KLRF1: variants seen among roughly 807,000 people sequenced by gnomAD.
KLRF1 encodes killer cell lectin-like receptor subfamily F member 1.
In KLRF1, 27 loss-of-function variants were observed where a neutral mutation model predicts 30.7. The observed-to-expected ratio is 0.88, with a 90% confidence interval of 0.65 to 1.21. The LOEUF (loss-of-function observed/expected upper bound fraction) is 1.21. Ranked by LOEUF, KLRF1 falls within the 50% of genes most tolerant of loss-of-function variation. The pLI is 0.00. For missense variants in KLRF1, 246 were observed against 259.3 expected (o/e 0.95, Z 0.35); for synonymous variants, 92 against 89.3 (o/e 1.03, Z -0.17).
At chr12:9,813,193 C>T in the KLRF1 span, among the ~76,000 whole-genome samples, 3 of 151,730 alleles carry the variant, frequency 2.0e-5, no homozygotes, top group Non-Finnish European at 4.4e-5. Flanking sequence ...GGTACATGTG[C>T]ACAATGTGCA....
At chr12:9,835,830 G>A (rs543478994) in intron 3 of KLRF1, among the ~76,000 whole-genome samples, 111 of 152,164 alleles carry the variant, frequency 7.3e-4, no homozygotes, top group Admixed American at 6.2e-3. Flanking sequence ...TATGGGGGGA[G>A]TAGAGTTGAT....
the KLRF1 span, chr12:9,817,422 T>C: frequency 2.3e-6 from 1 of 427,498 alleles, no homozygotes; most frequent in Non-Finnish European, 4.5e-6. Flanking sequence ...GGTAGCTTTT[T>C]ATCACAGACG....
At chr12:9,819,191 G>A in the KLRF1 span, among the ~76,000 whole-genome samples, 1 of 152,098 alleles carries the variant, frequency 6.6e-6, no homozygotes, top group African/African-American at 2.4e-5. Context: ...TCAGGCACAC[G>A]CAGAGCCCTG....
At chr12:9,805,686 T>G in the KLRF1 span, among the ~76,000 whole-genome samples, 3 of 152,058 alleles carry the variant, frequency 2.0e-5, no homozygotes, top group Non-Finnish European at 4.4e-5. Flanking sequence ...AACCACTGAT[T>G]TAATTTCTTT....
intron 5 of KLRF1, 71 bp downstream of exon 5, chr12:9,842,504 T>C (rs1287869897): frequency 3.5e-6 from 5 of 1,414,350 alleles, no homozygotes; most frequent in Non-Finnish European, 3.9e-6. Context: ...GTTCACCAAA[T>C]TCAACTCTGA....
chr12:9,813,332 G>A, the KLRF1 span, among the ~76,000 whole-genome samples: 1 of 151,756 alleles, frequency 6.6e-6, no homozygotes, highest in Non-Finnish European at 1.5e-5. Context: ...TTTCGAGACG[G>A]GGACTCTTTC....
intron 2 of KLRF1, 59 bp from the exon 3 acceptor site, chr12:9,833,244 C>G: frequency 2.3e-5 from 27 of 1,173,410 alleles, no homozygotes; most frequent in Non-Finnish European, 3.1e-5. Flanking sequence ...TTGAATGTGT[C>G]CCTGAAACAT....
At chr12:9,835,169 T>C (rs1867546737) in intron 3 of KLRF1, among the ~76,000 whole-genome samples, 1 of 152,074 alleles carries the variant, frequency 6.6e-6, no homozygotes, top group Admixed American at 6.6e-5. Flanking sequence ...GCAAATTGAA[T>C]TTTGGGAGTA....
chr12:9,836,044 C>T (rs753119953), intron 3 of KLRF1, among the ~76,000 whole-genome samples: 3 of 151,564 alleles, frequency 2.0e-5, no homozygotes, highest in African/African-American at 7.3e-5. Flanking sequence ...GCTGTGTAGG[C>T]GCTGGAAGAA....
chr12:9,821,774 G>A, the KLRF1 span, among the ~76,000 whole-genome samples: 2 of 152,340 alleles, frequency 1.3e-5, no homozygotes, highest in African/African-American at 4.8e-5. Flanking sequence ...TCAGAGCATT[G>A]AGAGGCAGCA....
At chr12:9,843,868 A>G (rs1340996794) in intron 5 of KLRF1, among the ~76,000 whole-genome samples, 1 of 152,174 alleles carries the variant, frequency 6.6e-6, no homozygotes, top group Non-Finnish European at 1.5e-5. Context: ...CAAATTTATC[A>G]GAATGTATCA....
At chr12:9,838,213 C>T (rs920014488) in intron 3 of KLRF1, among the ~76,000 whole-genome samples, 4 of 152,062 alleles carry the variant, frequency 2.6e-5, no homozygotes, top group African/African-American at 9.7e-5. Context: ...TAGTAGACAT[C>T]CACTCTTTTA....
At chr12:9,805,343 AC>A in the KLRF1 span, among the ~76,000 whole-genome samples, 3 of 151,840 alleles carry the variant, frequency 2.0e-5, no homozygotes, top group Admixed American at 1.3e-4. Context: ...GTCTCACGTG[AC>A]AGAAGGGACA....
At chr12:9,816,815 T>G in the KLRF1 span, among the ~76,000 whole-genome samples, 1 of 149,750 alleles carries the variant, frequency 6.7e-6, no homozygotes, top group African/African-American at 2.5e-5. Context: ...CTCACTGCAA[T>G]CTCCGCCTCT....
chr12:9,821,308 G>A, the KLRF1 span, among the ~76,000 whole-genome samples: 1 of 152,070 alleles, frequency 6.6e-6, no homozygotes, highest in Non-Finnish European at 1.5e-5. Context: ...ACCCCCAGGG[G>A]CAACCAAAAG....
chr12:9,823,231 A>C (rs753474065), upstream of KLRF1, among the ~76,000 whole-genome samples: 136 of 151,330 alleles, frequency 9.0e-4, 3 homozygotes, highest in African/African-American at 3.3e-3. Flanking sequence ...ATGCAAAAAA[A>C]AAAAACAAAA....
chr12:9,812,666 C>T, the KLRF1 span, among the ~76,000 whole-genome samples: 44 of 152,208 alleles, frequency 2.9e-4, no homozygotes, highest in African/African-American at 1.0e-3. Flanking sequence ...TTGTCTGTTT[C>T]TGTTATTTTA....
At chr12:9,800,511 C>T in the KLRF1 span, among the ~76,000 whole-genome samples, 1,284 of 151,982 alleles carry the variant, frequency 8.4e-3, 13 homozygotes, top group African/African-American at 0.029. Context: ...TCACTCTGTG[C>T]GCCTTTGTAT....
intron 5 of KLRF1, among the ~76,000 whole-genome samples, chr12:9,844,039 A>G (rs1244795154): frequency 6.6e-6 from 1 of 152,154 alleles, no homozygotes; most frequent in African/African-American, 2.4e-5. Context: ...CTGCTAAACA[A>G]TATCATGAAG....
Sources: gnomAD v4.1 joint callset for allele counts (sites outside exome capture counted in the v4.1 genomes callset) on GRCh38, gnomAD v4.1.1 for gene constraint, MANE v1.5 for transcripts, NCBI Gene and HGNC (gene_info 2026-07-23, HGNC 2026-07-21) for gene names.